WDR19: variants seen among roughly 807,000 people sequenced by gnomAD.
WDR19 encodes WD repeat-containing protein 19.
Under a neutral mutation model 180.0 loss-of-function variants are expected in WDR19, and 121 were observed. That is an observed-to-expected ratio of 0.67 (90% CI 0.58 to 0.78). The LOEUF (loss-of-function observed/expected upper bound fraction) is 0.78, where lower values mean the gene tolerates loss of function less well. WDR19 is among the 30% of genes least tolerant of loss of function. The pLI is 0.00. For missense variants in WDR19, 1,450 were observed against 1,640.7 expected (o/e 0.88, Z 2.01); for synonymous variants, 497 against 540.7 (o/e 0.92, Z 1.12).
At chr4:39,197,982 G>A (rs988395265) in intron 5 of WDR19, among the ~76,000 whole-genome samples, 27 of 152,060 alleles carry the variant, frequency 1.8e-4, no homozygotes, top group Non-Finnish European at 3.7e-4. Context: ...GGGACTACAG[G>A]TGTGTGCACC....
At chr4:39,247,008 G>T (rs866295605) in intron 24 of WDR19, among the ~76,000 whole-genome samples, 8 of 152,222 alleles carry the variant, frequency 5.3e-5, no homozygotes, top group African/African-American at 1.7e-4. Context: ...GAGAGGAGTG[G>T]TTCTCCCAGC....
intron 9 of WDR19, among the ~76,000 whole-genome samples, chr4:39,211,366 G>A (rs1354848762): frequency 6.6e-6 from 1 of 152,070 alleles, no homozygotes; most frequent in East Asian, 1.9e-4. Context: ...AGAAATACAC[G>A]GCACTCAGAT....
Position 39,245,388 on chromosome 4 carries a change from C to G in WDR19, c.2665C>G (p.Leu889Val), listed in dbSNP as rs776150299. Residue 889 changes from leucine (L) to valine (V), a missense_variant, in exon 24 of 37, where the codon CTG becomes GTG. By Grantham distance (32) the Leu-to-Val change is conservative. Transcript: ENST00000399820. Reference protein sequence around the residue: ...SKNWAKVGDLLPHVSSPKIHL... With the variant: ...SKNWAKVGDLVPHVSSPKIHL... ...TTCCAGGGCAAAAGTTGGTGATCTT[C>G]TGCCCCACGTTTCTTCTCCTAAGAT... 1 of 1,613,592 alleles carries G rather than the reference C, an allele frequency of 6.2e-7. No homozygotes were observed. Among genetic ancestry groups the G allele is most frequent in the South Asian group, 1.1e-5 (1 of 90,920 alleles).
At chr4:39,280,638 G>A (rs545904004) in intron 36 of WDR19, among the ~76,000 whole-genome samples, 59 of 152,018 alleles carry the variant, frequency 3.9e-4, no homozygotes, top group Non-Finnish European at 7.5e-4. Flanking sequence ...CTGGGCAACA[G>A]GCTCAAAAAA....
chr4:39,227,846 GTAT>G (rs1192543148), intron 15 of WDR19, among the ~76,000 whole-genome samples: 1 of 152,152 alleles, frequency 6.6e-6, no homozygotes, highest in African/African-American at 2.4e-5. Flanking sequence ...CAAATACTCA[GTAT>G]TATTGAAAAA....
At chr4:39,186,928 C>G (rs547651657) in intron 3 of WDR19, among the ~76,000 whole-genome samples, 3 of 152,240 alleles carry the variant, frequency 2.0e-5, no homozygotes, top group African/African-American at 7.2e-5. Context: ...ATAAGATAAA[C>G]CTGTATCTAC....
At chr4:39,244,200 C>A (rs762821605) in intron 21 of WDR19, 48 bp from the exon 22 acceptor site, 1 of 1,588,626 alleles carries the variant, frequency 6.3e-7, no homozygotes, top group Non-Finnish European at 8.6e-7. Flanking sequence ...TTAAACACAT[C>A]GTGTTAAGCT....
chr4:39,263,140 G>A (rs1230351699), intron 28 of WDR19, among the ~76,000 whole-genome samples: 1 of 145,612 alleles, frequency 6.9e-6, no homozygotes. Flanking sequence ...GGGAAGGGAA[G>A]TACGAGGCCC....
At chr4:39,187,476 C>A (rs1725695771) in intron 3 of WDR19, among the ~76,000 whole-genome samples, 1 of 150,368 alleles carries the variant, frequency 6.7e-6, no homozygotes. Context: ...ACTTATGCTG[C>A]TGTGCTTTTA....
Position 39,234,782 on chromosome 4 carries a change from A to G in WDR19, c.2270A>G (p.Gln757Arg). ...IAALEMRRDL[Q>R]HWDSALQLAK... ...TCTTAACAGATGAGAAGGGATTTAC[A>G]GCATTGGGACAGTGCTCTACAACTG... Residue 757 changes from glutamine to arginine, a missense_variant, in exon 20 of 37, where the codon CAG becomes CGG. Physicochemically the swap from Gln to Arg is conservative, Grantham distance 43. Transcript: ENST00000399820. 6.3e-7 allele frequency: 1 copy of G among 1,579,166 alleles called. No homozygotes were observed.
intron 9 of WDR19, among the ~76,000 whole-genome samples, chr4:39,214,034 A>G (rs1728805076): frequency 1.3e-5 from 2 of 152,218 alleles, no homozygotes; most frequent in Admixed American, 6.5e-5. Flanking sequence ...ATTAGTTCCC[A>G]ACATTGTACT....
At chr4:39,195,395 C>CAAA (rs11392579) in intron 5 of WDR19, among the ~76,000 whole-genome samples, 2 of 139,196 alleles carry the variant, frequency 1.4e-5, no homozygotes, top group African/African-American at 2.9e-5. Context: ...AACAAACAAA[C>CAAA]AAAAAAAAAC....
intron 7 of WDR19, 122 bp downstream of exon 7, chr4:39,203,844 G>A (rs1484214199): frequency 5.1e-6 from 5 of 975,090 alleles, no homozygotes; most frequent in Non-Finnish European, 7.9e-6. Flanking sequence ...TGTATTTTAA[G>A]CCAAGGTAGA....
At chr4:39,202,911 T>G (rs1182023295) in intron 6 of WDR19, among the ~76,000 whole-genome samples, 2 of 152,050 alleles carry the variant, frequency 1.3e-5, no homozygotes, top group Non-Finnish European at 2.9e-5. Flanking sequence ...GTGGAAATTT[T>G]TTAAAACCTT....
intron 17 of WDR19, 46 bp downstream of exon 17, chr4:39,228,736 G>T (rs1482377122): frequency 6.2e-6 from 9 of 1,456,310 alleles, no homozygotes; most frequent in South Asian, 3.2e-5. Flanking sequence ...TTGCTTTTGT[G>T]ATTTTAAAGG....
chr4:39,224,280 G>A (rs1730003981), intron 14 of WDR19, among the ~76,000 whole-genome samples: 1 of 151,994 alleles, frequency 6.6e-6, no homozygotes, highest in Non-Finnish European at 1.5e-5. Context: ...CTAGCAAGTA[G>A]GAAATCTAAA....
At chr4:39,205,467 C>T in intron 8 of WDR19, 96 bp from the exon 9 acceptor site, 1 of 1,350,934 alleles carries the variant, frequency 7.4e-7, no homozygotes, top group Non-Finnish European at 1.0e-6. Flanking sequence ...AAATTATATT[C>T]TATAATTCCT....
At chr4:39,205,383 T>C in intron 8 of WDR19, 117 bp downstream of exon 8, 2 of 1,199,716 alleles carry the variant, frequency 1.7e-6, no homozygotes, top group South Asian at 3.0e-5. Flanking sequence ...TACGTCACAT[T>C]TTCTGATTCA....
At chr4:39,225,330 A>G (rs1215262311) in intron 15 of WDR19, among the ~76,000 whole-genome samples, 2 of 152,226 alleles carry the variant, frequency 1.3e-5, no homozygotes, top group South Asian at 2.1e-4. Context: ...TACAATAATT[A>G]TAGTGTATCT....
Sources: gnomAD v4.1 joint callset for allele counts (sites outside exome capture counted in the v4.1 genomes callset) on GRCh38, gnomAD v4.1.1 for gene constraint, MANE v1.5 for transcripts, NCBI Gene and HGNC (gene_info 2026-07-23, HGNC 2026-07-21) for gene names.